The following RARB variants were observed in gnomAD, a reference collection of about 807,000 sequenced individuals.
RARB encodes retinoic acid receptor beta, also known as HBV-activated protein.
A neutral mutation model predicts 51.9 loss-of-function variants in RARB; 17 were observed. The ratio of observed to expected loss-of-function variants is 0.33; its 90% confidence interval spans 0.22 to 0.49. The LOEUF is 0.49. Among genes scored for constraint, RARB ranks in the 20% least tolerant of loss-of-function variants. The probability of loss-of-function intolerance (pLI) is 0.99; values close to 1 mark genes in which losing one functional copy is unlikely to be tolerated. For synonymous variants in RARB, 215 were observed against 195.4 expected (o/e 1.10, Z -0.84); for missense variants, 369 against 550.8 (o/e 0.67, Z 3.30).
chr3:25,403,029 G>A (rs969148903), intron 5 of RARB, among the ~76,000 whole-genome samples: 1 of 152,080 alleles, frequency 6.6e-6, no homozygotes, highest in African/African-American at 2.4e-5. Context: ...TGGGCATGGT[G>A]GTGGGCGCCT....
chr3:25,209,359 G>T (rs997358600), intron 5 of RARB, among the ~76,000 whole-genome samples: 1 of 152,190 alleles, frequency 6.6e-6, no homozygotes, highest in Admixed American at 6.5e-5. Flanking sequence ...CCATAGGTGG[G>T]TGTTGAAGAC....
intron 5 of RARB, among the ~76,000 whole-genome samples, chr3:25,176,768 C>T (rs1700762467): frequency 6.6e-6 from 1 of 152,068 alleles, no homozygotes; most frequent in African/African-American, 2.4e-5. Context: ...CATATCTAAG[C>T]CTCTTTTGCA....
chr3:24,839,686 G>T (rs540471083), intron 1 of RARB, among the ~76,000 whole-genome samples: 1 of 106,074 alleles, frequency 9.4e-6, no homozygotes, highest in East Asian at 3.3e-4. Context: ...CCTAGGCTAC[G>T]GACCAAGACG....
intron 5 of RARB, among the ~76,000 whole-genome samples, chr3:25,411,075 A>G (rs1261219108): frequency 3.3e-5 from 5 of 152,256 alleles, no homozygotes; most frequent in Admixed American, 6.5e-5. Flanking sequence ...AACATATCCT[A>G]TACCTTTCTG....
At chr3:25,407,091 C>T (rs904169296) in intron 5 of RARB, among the ~76,000 whole-genome samples, 4 of 152,210 alleles carry the variant, frequency 2.6e-5, no homozygotes, top group Non-Finnish European at 5.9e-5. Context: ...TGGCTGCATT[C>T]AGCCCGATCT....
At chr3:25,489,051 A>C (rs1247300031) in intron 2 of RARB, among the ~76,000 whole-genome samples, 1 of 152,256 alleles carries the variant, frequency 6.6e-6, no homozygotes, top group Non-Finnish European at 1.5e-5. Flanking sequence ...GTTCTCCTAC[A>C]AAACAACTTC....
chr3:25,080,987 T>C (rs1199110678), intron 3 of RARB, among the ~76,000 whole-genome samples: 1 of 152,126 alleles, frequency 6.6e-6, no homozygotes, highest in African/African-American at 2.4e-5. Flanking sequence ...GCCTTTTTAT[T>C]AATTTCTGAT....
chr3:25,330,852 C>G (rs1243029895), intron 5 of RARB, among the ~76,000 whole-genome samples: 2 of 151,224 alleles, frequency 1.3e-5, no homozygotes, highest in Admixed American at 1.3e-4. Flanking sequence ...AAAAAACAAA[C>G]AAAAAAAGCA....
intron 1 of RARB, among the ~76,000 whole-genome samples, chr3:25,435,475 C>T (rs537887952): frequency 3.8e-4 from 58 of 152,154 alleles, no homozygotes; most frequent in African/African-American, 1.2e-3. Flanking sequence ...ATAAAAAGGC[C>T]GATGATCTGA....
At chr3:25,343,755 C>G (rs78104505) in intron 5 of RARB, among the ~76,000 whole-genome samples, 6,353 of 151,878 alleles carry the variant, frequency 0.042, 165 homozygotes, top group Middle Eastern at 0.061. Flanking sequence ...GATTCCAGGA[C>G]AAAAAAATCA....
Position 25,009,294 on chromosome 3 carries a change from G to A in RARB, c.-379-50831G>A, listed in dbSNP as rs1037121139. On this transcript the variant is annotated intron_variant, in intron 2 of 11. Transcript: ENST00000383772. Reference sequence around the variant, plus strand: ...CATAGGTACTTCGTTCTATAATTTTGTGACTTAGTTAATGAAGCAGTTTTC... The same window carrying A: ...CATAGGTACTTCGTTCTATAATTTTATGACTTAGTTAATGAAGCAGTTTTC... 5.3e-5 allele frequency among the ~76,000 whole-genome samples: 8 copies of A among 152,262 alleles called. No homozygotes were observed. The East Asian group carries it at 5.8e-4, about 11-fold the overall frequency.
Position 25,531,457 on chromosome 3 carries a change from GTGTT to G in RARB, c.448+30138_448+30141del, listed in dbSNP as rs552774046. Among the ~76,000 whole-genome samples the G allele has an allele frequency of 9.9e-5, 15 of 152,252 alleles. No individual in the cohort carries two copies. In the South Asian group the frequency reaches 2.1e-3, roughly 21 times the overall value. On this transcript the variant is annotated intron_variant, in intron 3 of 7. Coordinates refer to ENST00000330688, the MANE Select transcript of RARB (RefSeq NM_000965.5). ...TAGATACAGATAGATTTATATATGTGTGTTTGTGTGTGTGCGTGCGTGTGTATAT... is the reference window on the plus strand; with the variant it reads ...TAGATACAGATAGATTTATATATGTGTGTGTGTGTGCGTGCGTGTGTATAT...
At chr3:25,001,560 C>A (rs1190941384) in intron 2 of RARB, among the ~76,000 whole-genome samples, 1 of 152,076 alleles carries the variant, frequency 6.6e-6, no homozygotes, top group African/African-American at 2.4e-5. Flanking sequence ...GACTGTGGCC[C>A]CACCTCCTCA....
At position 25,592,895 on chromosome 3, in the gene RARB, T is replaced by G. The variant is rs114607439; in HGVS notation, c.787-608T>G. 3.1e-3 allele frequency among the ~76,000 whole-genome samples: 477 copies of G among 152,354 alleles called. 5 individuals carry two copies. The highest frequency in any genetic ancestry group is 0.011 in the African/African-American group (452 of 41,574). On this transcript the variant is annotated intron_variant, in intron 5 of 7. Transcript: ENST00000330688. The stretch of plus-strand genomic sequence containing the variant: ...GTCCCTTGTATTACAGCTGCCTGTG[T>G]AACCGTGTGATCAGAGGCATCATGG...
chr3:25,113,553 C>T (rs1019811322), intron 3 of RARB, among the ~76,000 whole-genome samples: 2 of 152,134 alleles, frequency 1.3e-5, no homozygotes, highest in Admixed American at 1.3e-4. Context: ...CTTTTCTGTA[C>T]AGCTTCCTGC....
intron 3 of RARB, among the ~76,000 whole-genome samples, chr3:25,121,082 G>A (rs928274628): frequency 6.6e-6 from 1 of 152,162 alleles, no homozygotes; most frequent in African/African-American, 2.4e-5. Context: ...TCACATGCAT[G>A]TGTATAAAGT....
chr3:25,546,825 T>C (rs1349404028), intron 3 of RARB, among the ~76,000 whole-genome samples: 1 of 152,236 alleles, frequency 6.6e-6, no homozygotes, highest in Non-Finnish European at 1.5e-5. Context: ...TTTCTCGGCA[T>C]ACACACACAT....
chr3:24,901,123 T>C (rs1194328690), intron 2 of RARB, among the ~76,000 whole-genome samples: 1 of 152,184 alleles, frequency 6.6e-6, no homozygotes, highest in Non-Finnish European at 1.5e-5. Flanking sequence ...TTGGAGTAAA[T>C]TGATGGCCAA....
chr3:25,404,147 G>A (rs1003643786), intron 5 of RARB, among the ~76,000 whole-genome samples: 5 of 152,168 alleles, frequency 3.3e-5, no homozygotes, highest in African/African-American at 9.7e-5. Flanking sequence ...ATTTGTCAAC[G>A]TGTCAGTAGA....
Sources: allele counts gnomAD v4.1 joint callset (sites outside exome capture counted in the v4.1 genomes callset), GRCh38; gene constraint gnomAD v4.1.1; transcripts MANE v1.5; gene names NCBI Gene and HGNC (gene_info 2026-07-23, HGNC 2026-07-21).